Variants in NAMPT observed in about 807,000 individuals in gnomAD.
The protein encoded by NAMPT is NAmPRTase.
Under a neutral mutation model 58.7 loss-of-function variants are expected in NAMPT, and 7 were observed. That is an observed-to-expected ratio of 0.12 (90% confidence interval 0.07 to 0.22). The LOEUF is 0.22. NAMPT is among the 10% of genes least tolerant of loss of function. The probability of loss-of-function intolerance (pLI) is 1.00; values close to 1 mark genes in which losing one functional copy is unlikely to be tolerated. For missense variants in NAMPT, 271 were observed against 567.9 expected (o/e 0.48, Z 5.31); for synonymous variants, 145 against 198.1 (o/e 0.73, Z 2.25).
At chr7:106,264,360 T>C (rs1015783448) in intron 6 of NAMPT, among the ~76,000 whole-genome samples, 2 of 152,088 alleles carry the variant, frequency 1.3e-5, no homozygotes, top group African/African-American at 4.8e-5. Context: ...GTCCTTAATA[T>C]CAGTTCTTAC....
intron 10 of NAMPT, among the ~76,000 whole-genome samples, chr7:106,252,530 G>A (rs932323933): frequency 1.1e-4 from 16 of 151,742 alleles, no homozygotes; most frequent in African/African-American, 3.6e-4. Flanking sequence ...TTGATCAAGT[G>A]GCTTAAAAAC....
At chr7:106,278,688 T>C (rs566900762) in intron 1 of NAMPT, among the ~76,000 whole-genome samples, 3 of 152,174 alleles carry the variant, frequency 2.0e-5, no homozygotes, top group Admixed American at 6.5e-5. Flanking sequence ...CAACTACTTA[T>C]GAAACTGAAG....
chr7:106,274,503 A>ATATTTC lies in NAMPT; in HGVS notation c.318+442_318+443insGAAATA, dbSNP rs1792597349. On this transcript the variant is annotated intron_variant, in intron 3 of 10. Transcript: ENST00000222553. ...TCAAAAGGATATATAATGGCTATGA[A>ATATTTC]ATAGCCATTATATTCAGATCACAAA... Among the ~76,000 whole-genome samples, 3 of 152,208 alleles carry ATATTTC rather than the reference A, an allele frequency of 2.0e-5. No individual in the cohort carries two copies. The South Asian group carries it at 6.2e-4, about 32-fold the overall frequency.
At chr7:106,272,984 A>G (rs1792565476) in intron 3 of NAMPT, among the ~76,000 whole-genome samples, 1 of 152,220 alleles carries the variant, frequency 6.6e-6, no homozygotes, top group Non-Finnish European at 1.5e-5. Flanking sequence ...AGAAAATGAG[A>G]AAGGATGACT....
chr7:106,277,649 C>T (rs1181400849), intron 1 of NAMPT, among the ~76,000 whole-genome samples: 1 of 152,146 alleles, frequency 6.6e-6, no homozygotes, highest in African/African-American at 2.4e-5. Flanking sequence ...CACTTTTAGC[C>T]TTCACAGTGA....
At chr7:106,262,037 T>C (rs1002628893) in intron 7 of NAMPT, among the ~76,000 whole-genome samples, 13 of 152,072 alleles carry the variant, frequency 8.5e-5, no homozygotes, top group African/African-American at 2.4e-4. Context: ...TTTAAAGAAG[T>C]ATATAAAGCA....
chr7:106,271,883 A>G (rs1792541309), intron 4 of NAMPT: 1 of 164,212 alleles, frequency 6.1e-6, no homozygotes, highest in African/African-American at 2.4e-5. Context: ...ATCTATTATT[A>G]AACTGTTCAG....
chr7:106,272,094 C>A (rs770549285), intron 4 of NAMPT: 3 of 383,434 alleles, frequency 7.8e-6, no homozygotes, highest in Non-Finnish European at 1.6e-5. Context: ...GATGGTAGAT[C>A]CTAAGACCTA....
Position 106,263,578 on chromosome 7 carries a change from A to C in NAMPT, c.783T>G (p.Ala261=). ...TAWGKDHEKD[A]FEHIVTQFSS... ...AAAACTGTGTTACAATATGTTCAAA[A>C]GCATCTTTTTCATGGTCTTTCCCCC... The change falls in exon 7 of 11, where the codon GCT becomes GCG. Residue 261 remains alanine, a synonymous_variant. Transcript: ENST00000222553. The C allele has an allele frequency of 6.2e-7, 1 of 1,613,462 alleles. No homozygotes were observed. Among genetic ancestry groups the C allele is most frequent in the Non-Finnish European group, 8.5e-7 (1 of 1,179,550 alleles).
intron 3 of NAMPT, 32 bp downstream of exon 3, chr7:106,274,902 GAAAGAAAAACCA>G (rs750251221): frequency 7.5e-7 from 1 of 1,330,848 alleles, no homozygotes; most frequent in Non-Finnish European, 1.1e-6. Context: ...GTTTTGAACT[GAAAGAAAAACCA>G]AAACAGATCA....
chr7:106,285,169 C>G, upstream of NAMPT: 1 of 1,233,940 alleles, frequency 8.1e-7, no homozygotes, highest in Non-Finnish European at 1.0e-6. Flanking sequence ...CTCCGGGGGC[C>G]GAGAAAGGGC....
chr7:106,266,360 T>C (rs1379692008), intron 6 of NAMPT, among the ~76,000 whole-genome samples: 2 of 152,254 alleles, frequency 1.3e-5, no homozygotes, highest in South Asian at 2.1e-4. Flanking sequence ...ATGATGTTAC[T>C]ACTTTGAAAT....
Position 106,248,544 on chromosome 7 carries a change from A to G in NAMPT, c.*2539T>C, listed in dbSNP as rs953165751. ...TAGATTTCATTATAAAAATTGTTTG[A>G]TAACAATTTAAGAAGGGAAAACAAG... On this transcript the variant is annotated 3_prime_UTR_variant, in exon 11 of 11. Transcript: ENST00000222553. The G allele has an allele frequency of 2.0e-5, 3 of 152,412 alleles. No individual in the cohort carries two copies. Among genetic ancestry groups the G allele is most frequent in the Admixed American group, 6.6e-5 (1 of 15,256 alleles). The allele number at this position is 152,412 out of a possible 1,614,324, so 9.4% of individuals were successfully genotyped here.
rs1343822002 is a variant in NAMPT at position 106,251,058 on chromosome 7, C to A, written c.*25G>T. On this transcript the variant is annotated 3_prime_UTR_variant, in exon 11 of 11. Coordinates refer to ENST00000222553, the MANE Select transcript of NAMPT (RefSeq NM_005746.3). ...CAATAAACATTATGTATTACATACACACAACACACACCCAGTCATAAAGCC... is the reference window on the plus strand; with the variant it reads ...CAATAAACATTATGTATTACATACAAACAACACACACCCAGTCATAAAGCC... 2.8e-6 allele frequency: 4 copies of A among 1,434,136 alleles called. No individual in the cohort carries two copies. Among genetic ancestry groups the A allele is most frequent in the Non-Finnish European group, 3.9e-6 (4 of 1,016,698 alleles). 88.8% of individuals were successfully genotyped at this position (1,434,136 alleles called of 1,614,324 possible).
chr7:106,258,016 C>T (rs548354508), intron 8 of NAMPT, among the ~76,000 whole-genome samples: 1 of 152,344 alleles, frequency 6.6e-6, no homozygotes, highest in East Asian at 1.9e-4. Flanking sequence ...GGGAAAACGG[C>T]AATTAGGTGT....
intron 8 of NAMPT, among the ~76,000 whole-genome samples, chr7:106,259,782 C>T (rs994274691): frequency 2.6e-5 from 4 of 151,946 alleles, no homozygotes; most frequent in Non-Finnish European, 4.4e-5. Flanking sequence ...GGCTGTCGAA[C>T]GGACGTTGTG....
At chr7:106,285,151 C>T, upstream of NAMPT, 2 of 1,266,994 alleles carry the variant, frequency 1.6e-6, no homozygotes, top group East Asian at 3.3e-5. Context: ...CGCCTTCACC[C>T]CGTCACCCTC....
intron 7 of NAMPT, among the ~76,000 whole-genome samples, chr7:106,262,033 G>T (rs1426676026): frequency 6.6e-6 from 1 of 151,932 alleles, no homozygotes; most frequent in Non-Finnish European, 1.5e-5. Context: ...ATATTTTAAA[G>T]AAGTATATAA....
At chr7:106,264,949 T>G (rs1056181318) in intron 6 of NAMPT, among the ~76,000 whole-genome samples, 1 of 152,002 alleles carries the variant, frequency 6.6e-6, no homozygotes, top group African/African-American at 2.4e-5. Flanking sequence ...CCTGGGGTAG[T>G]GCAGCATGCA....
Sources: gnomAD v4.1 joint callset for allele counts (sites outside exome capture counted in the v4.1 genomes callset) on GRCh38, gnomAD v4.1.1 for gene constraint, MANE v1.5 for transcripts, NCBI Gene and HGNC (gene_info 2026-07-23, HGNC 2026-07-21) for gene names.